DSCAML1: variants seen among roughly 807,000 people sequenced by gnomAD.
DSCAML1 encodes the protein cell adhesion molecule DSCAML1.
In DSCAML1, 38 loss-of-function variants were observed where a neutral mutation model predicts 200.5. The ratio of observed to expected loss-of-function variants is 0.19; its 90% CI spans 0.15 to 0.25. The LOEUF (loss-of-function observed/expected upper bound fraction) is 0.25, where lower values mean the gene tolerates loss of function less well. Among genes scored for constraint, DSCAML1 ranks in the 10% least tolerant of loss-of-function variants. The probability of loss-of-function intolerance (pLI) is 1.00; values close to 1 mark genes in which losing one functional copy is unlikely to be tolerated. For missense variants in DSCAML1, 2,223 were observed against 2,858.8 expected (o/e 0.78, Z 5.07); for synonymous variants, 1,215 against 1,165.0 (o/e 1.04, Z -0.87).
chr11:117,568,244 A>G (rs1329916237), intron 3 of DSCAML1, among the ~76,000 whole-genome samples: 2 of 152,222 alleles, frequency 1.3e-5, no homozygotes, highest in Non-Finnish European at 2.9e-5. Context: ...ACAGCTATCT[A>G]TGACAAACCC....
chr11:117,622,731 G>GTCAAGT (rs1337159361), intron 3 of DSCAML1, among the ~76,000 whole-genome samples: 3 of 152,230 alleles, frequency 2.0e-5, no homozygotes, highest in African/African-American at 7.2e-5. Flanking sequence ...ACTGAAGCAG[G>GTCAAGT]TCAAGTTCAA....
intron 3 of DSCAML1, among the ~76,000 whole-genome samples, chr11:117,706,511 C>A (rs1192790933): frequency 2.6e-5 from 4 of 152,168 alleles, no homozygotes; most frequent in Non-Finnish European, 1.5e-5. Context: ...AATGGGAAGG[C>A]CCTCTGTACA....
chr11:117,640,561 G>A (rs547759578), intron 3 of DSCAML1, among the ~76,000 whole-genome samples: 1 of 152,280 alleles, frequency 6.6e-6, no homozygotes, highest in East Asian at 1.9e-4. Flanking sequence ...CATCATCCCT[G>A]ACTCCTCTCT....
intron 1 of DSCAML1, among the ~76,000 whole-genome samples, chr11:117,789,922 C>T (rs2055429633): frequency 6.6e-6 from 1 of 152,166 alleles, no homozygotes; most frequent in Non-Finnish European, 1.5e-5. Flanking sequence ...GAAAAAGACA[C>T]TGGGTGGGAA....
At chr11:117,633,229 T>C (rs901754044) in intron 3 of DSCAML1, among the ~76,000 whole-genome samples, 3 of 152,144 alleles carry the variant, frequency 2.0e-5, no homozygotes, top group Admixed American at 6.5e-5. Context: ...TGTCTCTCTG[T>C]GGCCTGTCTC....
In DSCAML1 at chr11:117,505,774, T is replaced by A. The variant is rs755146440; in HGVS notation, c.1784-42A>T. ...GTGCTGCCGTCAGGACCCTGTGCAT[T>A]CTCACCTGGCCGCCAACGCCGCCTC... is the stretch of plus-strand genomic sequence containing the variant. On this transcript the variant is annotated intron_variant, in intron 8 of 32. Coordinates refer to ENST00000651296, the MANE Select transcript of DSCAML1 (RefSeq NM_020693.4). This position sits in a 1 kb window ranked among gnomAD's most constrained non-coding sequence, Gnocchi z 6.7. 1 of 1,577,490 alleles carries A rather than the reference T, an allele frequency of 6.3e-7. No individual in the cohort carries two copies. The highest frequency in any genetic ancestry group is 8.6e-7 in the Non-Finnish European group (1 of 1,161,808).
chr11:117,757,082 G>A (rs936572930), intron 3 of DSCAML1, among the ~76,000 whole-genome samples: 2 of 152,106 alleles, frequency 1.3e-5, no homozygotes, highest in African/African-American at 2.4e-5. Flanking sequence ...GAGGACCTAC[G>A]GGTGGAATCT....
chr11:117,689,965 G>A (rs1429575076), intron 3 of DSCAML1, among the ~76,000 whole-genome samples: 1 of 152,138 alleles, frequency 6.6e-6, no homozygotes, highest in African/African-American at 2.4e-5. Context: ...AGGTGGGGAT[G>A]GGGGAAGGGA....
At chr11:117,479,432 G>T (rs1020172701) in intron 14 of DSCAML1, among the ~76,000 whole-genome samples, 1 of 152,230 alleles carries the variant, frequency 6.6e-6, no homozygotes, top group Non-Finnish European at 1.5e-5. Context: ...GAAGGATCCA[G>T]AGTGAGACAG....
chr11:117,516,369 CA>C lies in DSCAML1; in HGVS notation c.1783+97del, dbSNP rs919980937. 2.1e-6 allele frequency: 3 copies of C among 1,462,226 alleles called. No homozygotes were observed. In the African/African-American group the frequency reaches 4.2e-5, roughly 20 times the overall value. The allele number at this position is 1,462,226 out of a possible 1,614,324, so 90.6% of individuals were successfully genotyped here. On this transcript the variant is annotated intron_variant, in intron 8 of 32. Transcript: ENST00000651296. This position sits in a 1 kb window ranked among gnomAD's most constrained non-coding sequence, Gnocchi z 5.7. ...TCTCTTGCTCAGCCTTCCGTTCACC[CA>C]GGATTGCCTATTGTTGTCTGAGTCC... is the stretch of plus-strand genomic sequence containing the variant.
At chr11:117,599,484 G>A (rs368393983) in intron 3 of DSCAML1, among the ~76,000 whole-genome samples, 4 of 152,138 alleles carry the variant, frequency 2.6e-5, no homozygotes, top group South Asian at 2.1e-4. Context: ...TTCTCCAAAC[G>A]AAATCACATA....
At chr11:117,770,436 C>T (rs1483715868) in intron 3 of DSCAML1, among the ~76,000 whole-genome samples, 6 of 152,142 alleles carry the variant, frequency 3.9e-5, no homozygotes, top group Non-Finnish European at 2.9e-5. Context: ...CACACAGAAG[C>T]AACTCGGCAT....
chr11:117,600,875 G>T (rs2051452821), intron 3 of DSCAML1, among the ~76,000 whole-genome samples: 1 of 152,172 alleles, frequency 6.6e-6, no homozygotes, highest in African/African-American at 2.4e-5. Context: ...AGCTGGAGGA[G>T]AAGGAGGGGT....
chr11:117,630,462 G>A (rs1428708481), intron 3 of DSCAML1, among the ~76,000 whole-genome samples: 1 of 151,978 alleles, frequency 6.6e-6, no homozygotes, highest in Non-Finnish European at 1.5e-5. Context: ...AGGCAGCAGA[G>A]GGAGACAGCC....
chr11:117,733,252 G>A (rs1230928476), intron 3 of DSCAML1, among the ~76,000 whole-genome samples: 1 of 152,146 alleles, frequency 6.6e-6, no homozygotes, highest in East Asian at 1.9e-4. Flanking sequence ...CCCCATTTAG[G>A]CCCTGTGCAG....
chr11:117,773,948 C>T (rs1202651826), intron 3 of DSCAML1, among the ~76,000 whole-genome samples: 1 of 152,206 alleles, frequency 6.6e-6, no homozygotes, highest in African/African-American at 2.4e-5. Flanking sequence ...GCATCGAGGC[C>T]ACTTTCCTGA....
chr11:117,741,582 T>A (rs2054424022), intron 3 of DSCAML1, among the ~76,000 whole-genome samples: 1 of 152,246 alleles, frequency 6.6e-6, no homozygotes, highest in African/African-American at 2.4e-5. Flanking sequence ...ATGAGGAAAC[T>A]AAGGCTCAAA....
At chr11:117,688,939 G>T (rs921084128) in intron 3 of DSCAML1, among the ~76,000 whole-genome samples, 1 of 152,128 alleles carries the variant, frequency 6.6e-6, no homozygotes, top group Non-Finnish European at 1.5e-5. Flanking sequence ...TTCAGCTCTC[G>T]CCTACTGGCT....
At chr11:117,453,180 C>A (rs190323572) in intron 19 of DSCAML1, among the ~76,000 whole-genome samples, 2 of 152,182 alleles carry the variant, frequency 1.3e-5, no homozygotes, top group African/African-American at 4.8e-5. Context: ...AGTGATCCAC[C>A]GGCCTCGGCC....
Sources: gnomAD v4.1 joint callset for allele counts (sites outside exome capture counted in the v4.1 genomes callset) on GRCh38, gnomAD v4.1.1 for gene constraint, Gnocchi (gnomAD v3.1) non-coding constraint, MANE v1.5 for transcripts, NCBI Gene and HGNC (gene_info 2026-07-23, HGNC 2026-07-21) for gene names.